WDR64: variants seen among roughly 807,000 people sequenced by gnomAD.
The protein encoded by WDR64 is WD repeat domain 64, also known as WD repeat-containing protein 64.
A neutral mutation model predicts 139.3 loss-of-function variants in WDR64; 112 were observed. That is an observed-to-expected ratio of 0.80 (90% CI 0.69 to 0.94). The LOEUF is 0.94. WDR64 is among the 40% of genes least tolerant of loss of function. The pLI is 0.00. For synonymous variants in WDR64, 444 were observed against 437.7 expected (o/e 1.01, Z -0.18); for missense variants, 1,206 against 1,293.1 (o/e 0.93, Z 1.03).
At chr1:241,675,609 G>A (rs1017410122) in intron 4 of WDR64, among the ~76,000 whole-genome samples, 2 of 152,172 alleles carry the variant, frequency 1.3e-5, no homozygotes, top group African/African-American at 4.8e-5. Flanking sequence ...GTCCCATCAG[G>A]AACTTTGGAC....
At chr1:241,743,942 C>G (rs529278426) in intron 12 of WDR64, among the ~76,000 whole-genome samples, 29 of 152,274 alleles carry the variant, frequency 1.9e-4, no homozygotes, top group African/African-American at 7.0e-4. Flanking sequence ...TAGGAAAGGT[C>G]GGTGAGCTCT....
chr1:241,740,961 G>A (rs1158329735), intron 11 of WDR64, among the ~76,000 whole-genome samples: 1 of 152,158 alleles, frequency 6.6e-6, no homozygotes, highest in African/African-American at 2.4e-5. Flanking sequence ...ACTTTACAGT[G>A]GTGATTTAGA....
chr1:241,735,533 C>CTTTTTTTTTTTTTTTTT (rs58339742), intron 10 of WDR64, among the ~76,000 whole-genome samples: 9 of 103,512 alleles, frequency 8.7e-5, no homozygotes, highest in African/African-American at 2.3e-4. Context: ...CTCTCTCTCT[C>CTTTTTTTTTTTTTTTTT]TTTTTTTTTT....
At chr1:241,699,035 T>G (rs1191076762) in intron 8 of WDR64, among the ~76,000 whole-genome samples, 1 of 152,082 alleles carries the variant, frequency 6.6e-6, no homozygotes, top group Non-Finnish European at 1.5e-5. Context: ...TCAAATCTCA[T>G]GAGAACTCAT....
intron 15 of WDR64, among the ~76,000 whole-genome samples, chr1:241,761,538 T>C (rs1657902011): frequency 6.6e-6 from 1 of 151,638 alleles, no homozygotes; most frequent in Non-Finnish European, 1.5e-5. Flanking sequence ...TAAAAGTTTG[T>C]TGTATATTAG....
intron 10 of WDR64, among the ~76,000 whole-genome samples, chr1:241,725,429 C>T (rs376242143): frequency 1.3e-5 from 2 of 151,946 alleles, no homozygotes; most frequent in Non-Finnish European, 2.9e-5. Flanking sequence ...CACCTCCCTC[C>T]TCGTACACCC....
intron 14 of WDR64, among the ~76,000 whole-genome samples, chr1:241,754,937 A>G (rs761074471): frequency 3.3e-5 from 5 of 152,168 alleles, no homozygotes; most frequent in Admixed American, 6.5e-5. Context: ...TCCATGTTGT[A>G]TATGTGCCAC....
chr1:241,757,566 C>A, intron 15 of WDR64, 107 bp downstream of exon 15: 1 of 1,046,128 alleles, frequency 9.6e-7, no homozygotes. Context: ...TATGTGTTAT[C>A]ACTCAGCTTC....
intron 10 of WDR64, among the ~76,000 whole-genome samples, chr1:241,728,201 T>TA (rs76674070): frequency 0.15 from 22,324 of 151,860 alleles, 2,051 homozygotes; most frequent in Middle Eastern, 0.33. Context: ...GGCATGGTGG[T>TA]AGGCACCTGT....
rs201661383 is a variant in WDR64, at chr1:241,771,929, TATACATACATAC to T, written c.2290+240_2290+251del. On this transcript the variant is annotated intron_variant, in intron 19 of 27. Coordinates refer to ENST00000437684, the MANE Select transcript of WDR64 (RefSeq NM_001367482.1). ...ACACACATATACATATATACATACATATACATACATACATACATATATATATATATATATATA... is the reference window on the plus strand; with the variant it reads ...ACACACATATACATATATACATACATATACATATATATATATATATATATA... Among the ~76,000 whole-genome samples the T allele has an allele frequency of 7.2e-3, 379 of 52,394 alleles. 6 individuals are homozygous for T. The highest frequency in any genetic ancestry group is 0.023 in the African/African-American group (366 of 15,612). 34.4% of individuals were successfully genotyped at this position (52,394 alleles called of 152,430 possible).
chr1:241,664,985 C>G (rs1354286343), intron 2 of WDR64, among the ~76,000 whole-genome samples: 1 of 151,760 alleles, frequency 6.6e-6, no homozygotes, highest in Non-Finnish European at 1.5e-5. Flanking sequence ...TTGCTTGAGC[C>G]CAGGAGTTTG....
Position 241,679,585 on chromosome 1 carries a change from G to A in WDR64, c.614G>A (p.Gly205Glu). Residue 205 changes from glycine to glutamate, a missense_variant, in exon 6 of 28, where the codon GGG (glycine) becomes GAG (glutamate). Gly to Glu is a moderately conservative substitution (Grantham distance 98). Transcript: ENST00000437684. ...TIIVWDYKAQ[G>E]SSQENYFVIK... The stretch of plus-strand genomic sequence containing the variant: ...ATTGTCTGGGATTATAAAGCTCAAG[G>A]GAGCAGCCAGGTATTGTGCCAAGAG... 1 of 1,551,540 alleles carries A rather than the reference G, an allele frequency of 6.4e-7. No individual in the cohort carries two copies. Among genetic ancestry groups the A allele is most frequent in the Middle Eastern group, 1.7e-4 (1 of 5,992 alleles).
intron 6 of WDR64, among the ~76,000 whole-genome samples, chr1:241,680,062 C>T (rs1409634971): frequency 6.6e-6 from 1 of 152,126 alleles, no homozygotes; most frequent in Non-Finnish European, 1.5e-5. Flanking sequence ...TTTGCAGACA[C>T]TTAGAAGTAA....
intron 2 of WDR64, among the ~76,000 whole-genome samples, chr1:241,668,285 G>A (rs1415050595): frequency 3.6e-4 from 55 of 150,988 alleles, no homozygotes; most frequent in Non-Finnish European, 4.7e-4. Context: ...CGAGGGGGGC[G>A]GATCACGAGG....
chr1:241,719,812 T>G (rs1221994326), intron 9 of WDR64, among the ~76,000 whole-genome samples: 2 of 152,188 alleles, frequency 1.3e-5, no homozygotes, highest in African/African-American at 4.8e-5. Flanking sequence ...TCCTTCAAAT[T>G]TATTTTAAGT....
intron 4 of WDR64, 123 bp downstream of exon 4, chr1:241,674,870 CTT>C (rs1666414390): frequency 7.1e-6 from 1 of 141,078 alleles, no homozygotes; most frequent in African/African-American, 8.0e-5. Context: ...TCCCTCCCTC[CTT>C]TCTTTCTTTC....
At chr1:241,679,761 T>G (rs1270221073) in intron 6 of WDR64, among the ~76,000 whole-genome samples, 166 bp downstream of exon 6, 1 of 152,182 alleles carries the variant, frequency 6.6e-6, no homozygotes, top group African/African-American at 2.4e-5. Context: ...ACTCTCTAAT[T>G]AAAAGGGACT....
Position 241,660,514 on chromosome 1 carries a change from A to G in WDR64, c.146-16A>G, listed in dbSNP as rs930651357. The G allele has an allele frequency of 6.4e-7, 1 of 1,550,536 alleles. No homozygotes were observed. The highest frequency in any genetic ancestry group is 8.7e-7 in the Non-Finnish European group (1 of 1,146,036). The stretch of plus-strand genomic sequence containing the variant: ...TTGGAATTTGATGAAAATGGACTGT[A>G]CTTTTTTCAATGCAGATGCAATTGG... On this transcript the variant is annotated splice_polypyrimidine_tract_variant and intron_variant, in intron 1 of 27. Transcript: ENST00000437684.
chr1:241,774,905 C>T (rs753435101), intron 20 of WDR64, among the ~76,000 whole-genome samples, 200 bp from the exon 21 acceptor site: 1 of 152,122 alleles, frequency 6.6e-6, no homozygotes, highest in African/African-American at 2.4e-5. Context: ...TTGTCCATAC[C>T]TTTAGTATAT....
Sources: allele counts gnomAD v4.1 joint callset (sites outside exome capture counted in the v4.1 genomes callset), GRCh38; gene constraint gnomAD v4.1.1; transcripts MANE v1.5; gene names NCBI Gene and HGNC (gene_info 2026-07-23, HGNC 2026-07-21).